The following MSRB3 variants were observed in gnomAD, a reference collection of about 807,000 sequenced individuals.
The protein encoded by MSRB3 is methionine-R-sulfoxide reductase B3.
Under a neutral mutation model 21.0 loss-of-function variants are expected in MSRB3, and 13 were observed. The ratio of observed to expected loss-of-function variants is 0.62; its 90% CI spans 0.40 to 0.98. The LOEUF is 0.98. Ranked by LOEUF, MSRB3 falls within the 50% of genes least tolerant of loss-of-function variation. MSRB3 has a pLI of 0.00. For synonymous variants in MSRB3, 87 were observed against 88.6 expected (o/e 0.98, Z 0.10); for missense variants, 199 against 230.3 (o/e 0.86, Z 0.88).
Position 65,368,930 on chromosome 12 carries a change from C to T in MSRB3, c.264-68C>T, listed in dbSNP as rs878927506. 1.3e-5 allele frequency: 8 copies of T among 621,494 alleles called. 1 individual carries two copies. Among genetic ancestry groups the T allele is most frequent in the African/African-American group, 3.7e-5 (2 of 54,106 alleles). 38.5% of individuals were successfully genotyped at this position (621,494 alleles called of 1,614,324 possible). A position where few individuals can be genotyped will look rare whatever the true frequency, so the allele number is the denominator to read the frequency against. On this transcript the variant is annotated intron_variant, in intron 4 of 6. Coordinates refer to ENST00000308259, the MANE Select transcript of MSRB3 (RefSeq NM_001031679.3). ...ACCTCCCCTCCCAACCACACCCCCC[C>T]CCCCCATGAAATAATTGTTCTTTTA...
chr12:65,409,685 C>G (rs116105974), intron 5 of MSRB3, among the ~76,000 whole-genome samples: 2,958 of 152,228 alleles, frequency 0.019, 96 homozygotes, highest in African/African-American at 0.068. Context: ...AATACCTCAT[C>G]CATCTATACA....
intron 5 of MSRB3, among the ~76,000 whole-genome samples, chr12:65,421,992 C>T (rs1296194685): frequency 6.6e-6 from 1 of 152,122 alleles, no homozygotes; most frequent in African/African-American, 2.4e-5. Flanking sequence ...ACCCATCTAA[C>T]ATGCAACGAC....
In MSRB3 at chr12:65,464,694, T is replaced by C. The variant is rs1883488638; in HGVS notation, c.*1372T>C. The C allele has an allele frequency of 6.6e-6, 1 of 152,146 alleles. No homozygotes were observed. The highest frequency in any genetic ancestry group is 1.5e-5 in the Non-Finnish European group (1 of 68,086). The allele number at this position is 152,146 out of a possible 1,614,324, so 9.4% of individuals were successfully genotyped here. ...AGAGCAGAGAAGATCAAGGATGAAGTCTTGGGTACTGAAAAATTCAGTGCT... is the reference window on the plus strand; with the variant it reads ...AGAGCAGAGAAGATCAAGGATGAAGCCTTGGGTACTGAAAAATTCAGTGCT... On this transcript the variant is annotated 3_prime_UTR_variant, in exon 7 of 7. Coordinates refer to ENST00000308259, the MANE Select transcript of MSRB3 (RefSeq NM_001031679.3).
chr12:65,396,738 AAGAAAGAAAG>A (rs1879832931), intron 5 of MSRB3, among the ~76,000 whole-genome samples: 2 of 149,958 alleles, frequency 1.3e-5, no homozygotes, highest in African/African-American at 5.0e-5. Flanking sequence ...GAAAGAAAGA[AAGAAAGAAAG>A]AAAGAAAACC....
intron 5 of MSRB3, among the ~76,000 whole-genome samples, chr12:65,372,531 G>T (rs1358373542): frequency 6.6e-6 from 1 of 152,176 alleles, no homozygotes; most frequent in South Asian, 2.1e-4. Flanking sequence ...ACTAATGTTG[G>T]CTTGCCTAGG....
At chr12:65,279,153 C>T in intron 1 of MSRB3, 1 of 1,146,436 alleles carries the variant, frequency 8.7e-7, no homozygotes, top group Non-Finnish European at 1.1e-6. Flanking sequence ...GGGAGCGAAC[C>T]TGAACCCGCG....
At position 65,422,408 on chromosome 12, in the gene MSRB3, ATATATATATATATATATATATATTTATT is replaced by A. The variant is rs1283348362; in HGVS notation, c.293-31316_293-31289del. On this transcript the variant is annotated intron_variant, in intron 5 of 6. Coordinates refer to ENST00000308259, the MANE Select transcript of MSRB3 (RefSeq NM_001031679.3). ...ACATAGTATATATATATATATATAT[ATATATATATATATATATATATATTTATT>A]TATTTATTTATGGGGTATATGGGAT... is the stretch of plus-strand genomic sequence containing the variant. Among the ~76,000 whole-genome samples, 370 of 39,882 alleles carry A rather than the reference ATATATATATATATATATATATATTTATT, an allele frequency of 9.3e-3. 7 individuals carry two copies. The highest frequency in any genetic ancestry group is 0.02 in the African/African-American group (339 of 16,560). The allele number at this position is 39,882 out of a possible 152,430, so 26.2% of individuals were successfully genotyped here.
At chr12:65,371,311 A>G (rs2136537945) in intron 5 of MSRB3, among the ~76,000 whole-genome samples, 1 of 144,324 alleles carries the variant, frequency 6.9e-6, no homozygotes, top group East Asian at 2.1e-4. Context: ...CTGGGCGACA[A>G]GAGCGAGACT....
At chr12:65,351,946 G>A (rs146897235) in intron 4 of MSRB3, among the ~76,000 whole-genome samples, 8 of 151,840 alleles carry the variant, frequency 5.3e-5, no homozygotes, top group South Asian at 4.1e-4. Flanking sequence ...AGAGGGAATC[G>A]TCCCTAACTC....
At chr12:65,337,062 T>C (rs374948382) in intron 4 of MSRB3, among the ~76,000 whole-genome samples, 188 of 151,986 alleles carry the variant, frequency 1.2e-3, no homozygotes, top group African/African-American at 4.3e-3. Context: ...GCCAACATGG[T>C]GAAACCTCAT....
At chr12:65,463,039 G>A (rs1040946768) in intron 6 of MSRB3, 116 bp from the exon 7 acceptor site, 34 of 1,281,094 alleles carry the variant, frequency 2.7e-5, no homozygotes, top group Non-Finnish European at 3.5e-5. Context: ...AATCATCCAC[G>A]ATGGTTTCCT....
At chr12:65,388,679 G>A (rs1879315215) in intron 5 of MSRB3, among the ~76,000 whole-genome samples, 1 of 152,066 alleles carries the variant, frequency 6.6e-6, no homozygotes, top group Non-Finnish European at 1.5e-5. Context: ...AGACCAGCCT[G>A]GGCAACATAG....
chr12:65,376,331 G>A (rs929882005), intron 5 of MSRB3, among the ~76,000 whole-genome samples: 49 of 152,124 alleles, frequency 3.2e-4, no homozygotes, highest in African/African-American at 1.2e-3. Flanking sequence ...GTGTTAGCCA[G>A]GATGGCCTCT....
In MSRB3 at chr12:65,298,244, T is replaced by C. The variant is rs376221625; in HGVS notation, c.-51-10285T>C. ...GTCTCAAACTCCTGAGCTCAAGCGA[T>C]CCTCCTGCCTTGGCCTACCAGAGTG... On this transcript the variant is annotated intron_variant, in intron 1 of 6. Coordinates refer to ENST00000308259, the MANE Select transcript of MSRB3 (RefSeq NM_001031679.3). Among the ~76,000 whole-genome samples, 11 of 152,266 alleles carry C rather than the reference T, an allele frequency of 7.2e-5. No homozygotes were observed. The East Asian group carries it at 1.4e-3, about 19-fold the overall frequency.
chr12:65,345,709 C>G (rs987383325), intron 4 of MSRB3, among the ~76,000 whole-genome samples: 1 of 152,032 alleles, frequency 6.6e-6, no homozygotes, highest in African/African-American at 2.4e-5. Flanking sequence ...TTAGGTATAT[C>G]TCCTAATGCT....
intron 5 of MSRB3, among the ~76,000 whole-genome samples, chr12:65,444,877 T>G (rs1882544053): frequency 6.6e-6 from 1 of 152,194 alleles, no homozygotes; most frequent in African/African-American, 2.4e-5. Flanking sequence ...CTGACTCTTA[T>G]TCTTTTGCTT....
At chr12:65,308,504 T>G in intron 1 of MSRB3, 25 bp from the exon 2 acceptor site, 1 of 1,612,426 alleles carries the variant, frequency 6.2e-7, no homozygotes, top group Non-Finnish European at 8.5e-7. Flanking sequence ...ATTTGATTTT[T>G]GTTTTTGTTT....
At chr12:65,413,322 T>A (rs1880811635) in intron 5 of MSRB3, among the ~76,000 whole-genome samples, 1 of 152,192 alleles carries the variant, frequency 6.6e-6, no homozygotes, top group Non-Finnish European at 1.5e-5. Flanking sequence ...TCCATGAATA[T>A]CTAGCAGATA....
At chr12:65,309,193 A>C (rs1478458199) in intron 2 of MSRB3, among the ~76,000 whole-genome samples, 1 of 152,212 alleles carries the variant, frequency 6.6e-6, no homozygotes, top group Admixed American at 6.5e-5. Flanking sequence ...GGGTTCTTAA[A>C]TTAGAACCAC....
Sources: gnomAD v4.1 joint callset for allele counts (sites outside exome capture counted in the v4.1 genomes callset) on GRCh38, gnomAD v4.1.1 for gene constraint, MANE v1.5 for transcripts, NCBI Gene and HGNC (gene_info 2026-07-23, HGNC 2026-07-21) for gene names.